Variants in PIEZO2 observed in about 807,000 individuals in gnomAD.
PIEZO2 encodes the protein piezo-type mechanosensitive ion channel component 2.
PIEZO2 carries 172 observed loss-of-function variants against 337.3 expected under a neutral mutation model. The observed-to-expected ratio is 0.51, with a 90% CI of 0.45 to 0.58. The LOEUF is 0.58. Ranked by LOEUF, PIEZO2 falls within the 20% of genes least tolerant of loss-of-function variation. PIEZO2 has a pLI of 0.00. For synonymous variants in PIEZO2, 1,251 were observed against 1,228.5 expected, an observed-to-expected ratio of 1.02 and a Z score of -0.38; for missense variants, 3,028 against 3,391.3, an observed-to-expected ratio of 0.89 and a Z score of 2.66.
In PIEZO2 at chr18:11,078,046, CCACACACA is replaced by C. The variant is rs35766286; in HGVS notation, c.65-11832_65-11825del. Among the ~76,000 whole-genome samples the C allele has an allele frequency of 3.5e-4, 48 of 135,888 alleles. No individual in the cohort carries two copies. Among genetic ancestry groups the C allele is most frequent in the Middle Eastern group, 4.2e-3 (1 of 240 alleles). The allele number at this position is 135,888 out of a possible 152,430, so 89.1% of individuals were successfully genotyped here. A position where few individuals can be genotyped will look rare whatever the true frequency, so the allele number is the denominator to read the frequency against. ...TGCGTGCACACACACCCACACACAC[CCACACACA>C]CACACACACACACCACACACACAAA... On this transcript the variant is annotated intron_variant, in intron 1 of 55. Coordinates refer to ENST00000674853, the MANE Select transcript of PIEZO2 (RefSeq NM_001378183.1). This position sits in a 1 kb window ranked among gnomAD's most constrained non-coding sequence, Gnocchi z 5.3.
intron 52 of PIEZO2, among the ~76,000 whole-genome samples, chr18:10,679,275 G>A (rs2034155370): frequency 6.6e-6 from 1 of 152,122 alleles, no homozygotes; most frequent in Non-Finnish European, 1.5e-5. Flanking sequence ...AGCCTTTGGT[G>A]AAAGTTGTAA....
At chr18:11,024,810 T>C (rs578040761) in intron 2 of PIEZO2, among the ~76,000 whole-genome samples, 3 of 151,894 alleles carry the variant, frequency 2.0e-5, no homozygotes, top group South Asian at 4.2e-4. Flanking sequence ...GGCTAATTTT[T>C]ATATTTTTAG....
chr18:11,123,090 A>G (rs1292259002), intron 1 of PIEZO2, among the ~76,000 whole-genome samples: 3 of 152,166 alleles, frequency 2.0e-5, no homozygotes, highest in East Asian at 1.9e-4. Context: ...GCTGCTTACT[A>G]TAACAGCTCT....
At chr18:10,889,507 C>T (rs893952458) in intron 4 of PIEZO2, among the ~76,000 whole-genome samples, 5 of 152,276 alleles carry the variant, frequency 3.3e-5, no homozygotes, top group Non-Finnish European at 7.4e-5. Flanking sequence ...TGGAAGATGA[C>T]GGTTAAGGGC....
At chr18:11,025,607 G>A (rs772909683) in intron 2 of PIEZO2, among the ~76,000 whole-genome samples, 1 of 150,234 alleles carries the variant, frequency 6.7e-6, no homozygotes, top group Non-Finnish European at 1.5e-5. Flanking sequence ...GTCTCAGGAC[G>A]GATGTGCTTT....
In PIEZO2 at chr18:10,859,011, C is replaced by G. The variant is rs2041803747; in HGVS notation, c.493-1800G>C. On this transcript the variant is annotated intron_variant, in intron 5 of 55. Coordinates refer to ENST00000674853, the MANE Select transcript of PIEZO2 (RefSeq NM_001378183.1). The surrounding 1 kb of genome is among the most constrained non-coding windows in gnomAD (Gnocchi z 4.9). The stretch of plus-strand genomic sequence containing the variant: ...AGAGATATAGCAATAAACACGTAAA[C>G]AAGTAAAATATTAACCAGCTAAATA... 6.6e-6 allele frequency among the ~76,000 whole-genome samples: 1 copy of G among 152,240 alleles called. No individual in the cohort carries two copies. Among genetic ancestry groups the G allele is most frequent in the East Asian group, 1.9e-4 (1 of 5,178 alleles).
intron 5 of PIEZO2, among the ~76,000 whole-genome samples, chr18:10,866,150 G>A (rs756040266): frequency 2.0e-4 from 30 of 152,066 alleles, no homozygotes; most frequent in Non-Finnish European, 3.7e-4. Context: ...TAATCATTTC[G>A]TTTAAATAGT....
intron 1 of PIEZO2, among the ~76,000 whole-genome samples, chr18:11,135,061 T>C (rs2040445151): frequency 6.6e-6 from 1 of 151,924 alleles, no homozygotes; most frequent in Admixed American, 6.6e-5. Flanking sequence ...AAATTTTTTT[T>C]CTTATGTTTC....
intron 1 of PIEZO2, among the ~76,000 whole-genome samples, chr18:11,139,758 C>T (rs573538785): frequency 1.6e-4 from 24 of 152,266 alleles, no homozygotes; most frequent in Middle Eastern, 3.4e-3. Flanking sequence ...CTTCCTTTAA[C>T]GGGTTCTGGG....
At chr18:10,779,738 G>A (rs764692672) in intron 18 of PIEZO2, among the ~76,000 whole-genome samples, 3 of 152,090 alleles carry the variant, frequency 2.0e-5, no homozygotes, top group African/African-American at 2.4e-5. Flanking sequence ...CACTTCATGG[G>A]TAAGGCGCTG....
intron 2 of PIEZO2, among the ~76,000 whole-genome samples, chr18:11,043,243 GCACACACA>G (rs34125787): frequency 5.6e-4 from 83 of 149,280 alleles, no homozygotes; most frequent in African/African-American, 1.7e-3. Flanking sequence ...CCCTTTAAAC[GCACACACA>G]CACACACACA....
intron 7 of PIEZO2, 50 bp from the exon 8 acceptor site, chr18:10,807,324 C>T (rs760789060): frequency 6.8e-7 from 1 of 1,471,320 alleles, no homozygotes; most frequent in Non-Finnish European, 9.1e-7. Flanking sequence ...AGCTATATGT[C>T]TCCAACATTG....
Position 10,758,046 on chromosome 18 carries a change from G to A in PIEZO2, c.3846C>T (p.Asp1282=), listed in dbSNP as rs1327017004. Residue 1282 remains aspartate, a synonymous_variant, in exon 27 of 56, where the codon GAC becomes GAT. Coordinates refer to ENST00000674853, the MANE Select transcript of PIEZO2 (RefSeq NM_001378183.1). Reference sequence around the variant, plus strand: ...CAAGGTTCATGCAGATCTCGACATTGTCACCTGCCATGATTCGCACTGCAG... The same window carrying A: ...CAAGGTTCATGCAGATCTCGACATTATCACCTGCCATGATTCGCACTGCAG... ...NKAAVRIMAG[D]NVEICMNLDA... 2.0e-6 allele frequency: 3 copies of A among 1,537,214 alleles called. No individual in the cohort carries two copies. Among genetic ancestry groups the A allele is most frequent in the Non-Finnish European group, 2.6e-6 (3 of 1,146,792 alleles).
At chr18:10,700,776 A>G (rs1238645593) in intron 43 of PIEZO2, among the ~76,000 whole-genome samples, 1 of 152,242 alleles carries the variant, frequency 6.6e-6, no homozygotes, top group Non-Finnish European at 1.5e-5. Context: ...AGTATACTAA[A>G]TAAATTCAAG....
chr18:10,964,469 C>T (rs1269060664), intron 3 of PIEZO2, among the ~76,000 whole-genome samples: 1 of 152,124 alleles, frequency 6.6e-6, no homozygotes, highest in Admixed American at 6.6e-5. Flanking sequence ...AAATATTTAT[C>T]TTCACTATTT....
At chr18:11,139,748 C>T (rs1420452100) in intron 1 of PIEZO2, among the ~76,000 whole-genome samples, 1 of 152,192 alleles carries the variant, frequency 6.6e-6, no homozygotes, top group Non-Finnish European at 1.5e-5. Context: ...CCGGCCTCCC[C>T]TTCCTTTAAC....
In PIEZO2 at chr18:11,116,211, TGCCTTCAATATCCA is replaced by T. The variant is rs1340920234; in HGVS notation, c.64+32300_64+32313del. On this transcript the variant is annotated intron_variant, in intron 1 of 55. Transcript: ENST00000674853. This position sits in a 1 kb window ranked among gnomAD's most constrained non-coding sequence, Gnocchi z 5.0. ...TGGCCAGTGCTCAGATTATGCCCACTGCCTTCAATATCCAGCTTTACAAATCCTATCTGGTCTTT... is the reference window on the plus strand; with the variant it reads ...TGGCCAGTGCTCAGATTATGCCCACTGCTTTACAAATCCTATCTGGTCTTT... 1.3e-5 allele frequency among the ~76,000 whole-genome samples: 2 copies of T among 152,238 alleles called. No individual in the cohort carries two copies. Among genetic ancestry groups the T allele is most frequent in the African/African-American group, 4.8e-5 (2 of 41,470 alleles).
At chr18:10,735,789 T>C (rs1598415325) in intron 34 of PIEZO2, among the ~76,000 whole-genome samples, 1 of 152,174 alleles carries the variant, frequency 6.6e-6, no homozygotes, top group Admixed American at 6.5e-5. Flanking sequence ...CCCCACCCAC[T>C]TGAGAAGTCC....
In PIEZO2 at chr18:10,722,149, C is replaced by CAAA. The variant is rs57201451; in HGVS notation, c.5030-3893_5030-3891dup. 6.2e-3 allele frequency among the ~76,000 whole-genome samples: 773 copies of CAAA among 125,342 alleles called. 4 individuals are homozygous for CAAA. The highest frequency in any genetic ancestry group is 7.4e-3 in the Non-Finnish European group (449 of 60,336). The allele number at this position is 125,342 out of a possible 152,430, so 82.2% of individuals were successfully genotyped here. A position where few individuals can be genotyped will look rare whatever the true frequency, so the allele number is the denominator to read the frequency against. Reference sequence around the variant, plus strand: ...CTGGCAACAGAGCAAGACTCCATCTCAAAAAAAAAAAAAAAAATTAAGATG... The same window carrying CAAA: ...CTGGCAACAGAGCAAGACTCCATCTCAAAAAAAAAAAAAAAAAAAATTAAGATG... On this transcript the variant is annotated intron_variant, in intron 36 of 55. Coordinates refer to ENST00000674853, the MANE Select transcript of PIEZO2 (RefSeq NM_001378183.1).
Sources: allele counts gnomAD v4.1 joint callset (sites outside exome capture counted in the v4.1 genomes callset), GRCh38; gene constraint gnomAD v4.1.1; non-coding constraint Gnocchi (gnomAD v3.1); transcripts MANE v1.5; gene names NCBI Gene and HGNC (gene_info 2026-07-23, HGNC 2026-07-21).